The following CAGE1 variants were observed in gnomAD, a reference collection of about 807,000 sequenced individuals.
CAGE1 encodes cancer antigen 1, also known as cancer-associated gene 1 protein.
Under a neutral mutation model 94.9 loss-of-function variants are expected in CAGE1, and 66 were observed. The ratio of observed to expected loss-of-function variants is 0.70; its 90% confidence interval spans 0.57 to 0.85. CAGE1 has a LOEUF of 0.85. Among genes scored for constraint, CAGE1 ranks in the 40% least tolerant of loss-of-function variants. The pLI is 0.00. For missense variants in CAGE1, 865 were observed against 950.4 expected (o/e 0.91, Z 1.18); for synonymous variants, 319 against 321.0 (o/e 0.99, Z 0.07).
At chr6:7,336,658 C>G (rs565441078) in intron 11 of CAGE1, among the ~76,000 whole-genome samples, 4 of 152,024 alleles carry the variant, frequency 2.6e-5, no homozygotes, top group Non-Finnish European at 5.9e-5. Context: ...TACAGGTGTG[C>G]GCCACCATGC....
intron 5 of CAGE1, among the ~76,000 whole-genome samples, chr6:7,370,706 GAAGAT>G (rs1463563298): frequency 6.6e-6 from 1 of 152,156 alleles, no homozygotes. Context: ...TGGCTTAATT[GAAGAT>G]AGCTGGATTC....
chr6:7,329,410 C>G (rs904735801), intron 13 of CAGE1: 2 of 345,412 alleles, frequency 5.8e-6, no homozygotes, highest in African/African-American at 4.2e-5. Flanking sequence ...ACTTTATACG[C>G]CTCGCCAAGG....
intron 11 of CAGE1, among the ~76,000 whole-genome samples, chr6:7,345,142 G>A (rs1036347026): frequency 4.7e-5 from 2 of 42,108 alleles, no homozygotes; most frequent in Non-Finnish European, 8.7e-5. Context: ...TTGCTTTTAG[G>A]AGCTAGGTCC....
intron 11 of CAGE1, among the ~76,000 whole-genome samples, chr6:7,352,308 A>AC (rs1235496601): frequency 1.5e-5 from 2 of 131,900 alleles, no homozygotes; most frequent in Admixed American, 8.1e-5. Flanking sequence ...AAAAAAAACA[A>AC]AAAAAAACAA....
intron 2 of CAGE1, 131 bp from the exon 3 acceptor site, chr6:7,386,003 C>CTT (rs2113479474): frequency 2.1e-6 from 1 of 486,388 alleles, no homozygotes; most frequent in African/African-American, 2.0e-5. Context: ...TTTCTAGTAT[C>CTT]TTTCCCCAGC....
chr6:7,370,658 T>C (rs1214525408), intron 5 of CAGE1, among the ~76,000 whole-genome samples: 1 of 152,212 alleles, frequency 6.6e-6, no homozygotes, highest in African/African-American at 2.4e-5. Flanking sequence ...GTGAAAAGAA[T>C]GGCACTGCTT....
intron 6 of CAGE1, 35 bp from the exon 7 acceptor site, chr6:7,368,833 G>C (rs1760442624): frequency 7.4e-7 from 1 of 1,353,746 alleles, no homozygotes; most frequent in African/African-American, 1.5e-5. Context: ...AGATGAAAAA[G>C]TTTTTACTAA....
In CAGE1 at chr6:7,374,353, G is replaced by A. The variant is rs548815596; in HGVS notation, c.688-222C>T. 1.1e-4 allele frequency among the ~76,000 whole-genome samples: 17 copies of A among 152,234 alleles called. No homozygotes were observed. In the South Asian group the frequency reaches 2.7e-3, roughly 24 times the overall value. On this transcript the variant is annotated intron_variant, in intron 4 of 13. Transcript: ENST00000502583. ...TGTACAGCACCTAACAGCACAGCAG[G>A]GCACAGGCAGTAGGTATATGACAGA...
chr6:7,355,421 C>T (rs1166548122), intron 10 of CAGE1, among the ~76,000 whole-genome samples: 1 of 152,110 alleles, frequency 6.6e-6, no homozygotes, highest in Non-Finnish European at 1.5e-5. Context: ...AAAGTTAAGG[C>T]AGTTTTAATA....
At position 7,373,116 on chromosome 6, in the gene CAGE1, A is replaced by T. The variant is rs779747390; in HGVS notation, c.1703T>A (p.Leu568Ter). Residue 568 changes from leucine to a stop codon, truncating the protein, a stop_gained, in exon 5 of 14, where the codon TTA becomes TAA. Coordinates refer to ENST00000502583, the MANE Select transcript of CAGE1 (RefSeq NM_001170692.2). LOFTEE classifies it high-confidence loss of function. ...NYVPKFETAQLKDQLEEVLKS... is the reference protein window; with the variant it reads ...NYVPKFETAQ ...CAAGACTTCCTCTAATTGATCCTTT[A>T]ACTGAGCTGTCTCAAATTTAGGGAC... 2.0e-5 allele frequency: 33 copies of T among 1,612,334 alleles called. No individual in the cohort carries two copies. Among genetic ancestry groups the T allele is most frequent in the Non-Finnish European group, 2.8e-5 (33 of 1,179,328 alleles).
intron 11 of CAGE1, chr6:7,338,770 A>G: frequency 4.2e-6 from 3 of 721,378 alleles, no homozygotes; most frequent in East Asian, 5.5e-5. Flanking sequence ...CTGTCTTTGT[A>G]CAATATTTTA....
chr6:7,351,531 A>AAAATG lies in CAGE1; in HGVS notation c.2369+3509_2369+3510insCATTT, dbSNP rs1759765046. Among the ~76,000 whole-genome samples, 3 of 50,578 alleles carry AAAATG rather than the reference A, an allele frequency of 5.9e-5. No individual in the cohort carries two copies. In the South Asian group the frequency reaches 1.7e-3, roughly 28 times the overall value. 33.2% of individuals were successfully genotyped at this position (50,578 alleles called of 152,430 possible). On this transcript the variant is annotated intron_variant, in intron 11 of 13. Transcript: ENST00000502583. The stretch of plus-strand genomic sequence containing the variant: ...CTACCCTAAAACTTAAAGTATAATA[A>AAAATG]AAATAAAATAAAATAAAATAAGATC...
At chr6:7,340,572 A>T (rs1427964293) in intron 11 of CAGE1, among the ~76,000 whole-genome samples, 1 of 152,202 alleles carries the variant, frequency 6.6e-6, no homozygotes, top group Non-Finnish European at 1.5e-5. Context: ...AACATTTTGC[A>T]TATATAATAT....
At chr6:7,341,236 A>C in intron 11 of CAGE1, 1 of 671,402 alleles carries the variant, frequency 1.5e-6, no homozygotes, top group South Asian at 1.4e-5. Context: ...GATACTGTGG[A>C]GGTAGCCAAA....
intron 11 of CAGE1, among the ~76,000 whole-genome samples, chr6:7,344,358 C>T (rs2714320): frequency 0.016 from 2,490 of 152,364 alleles, 89 homozygotes; most frequent in African/African-American, 0.056. Flanking sequence ...GTTTAGCACC[C>T]GGGCCAGCGG....
intron 11 of CAGE1, among the ~76,000 whole-genome samples, chr6:7,342,816 T>C (rs1759235534): frequency 6.6e-6 from 1 of 152,190 alleles, no homozygotes; most frequent in Non-Finnish European, 1.5e-5. Context: ...CTTGAGTTGA[T>C]TTTTGTATAT....
intron 4 of CAGE1, among the ~76,000 whole-genome samples, chr6:7,376,170 G>A (rs1437251938): frequency 2.6e-5 from 4 of 151,886 alleles, no homozygotes; most frequent in South Asian, 2.1e-4. Context: ...CAGGTGGATC[G>A]CAACGTCAGG....
At chr6:7,388,666 A>G (rs1761222628) in intron 1 of CAGE1, among the ~76,000 whole-genome samples, 1 of 152,200 alleles carries the variant, frequency 6.6e-6, no homozygotes, top group African/African-American at 2.4e-5. Context: ...GGATTCTTTT[A>G]TTGAATTTCT....
At chr6:7,381,673 C>T (rs1398010927) in intron 3 of CAGE1, among the ~76,000 whole-genome samples, 1 of 151,086 alleles carries the variant, frequency 6.6e-6, no homozygotes, top group African/African-American at 2.4e-5. Context: ...GGAATACAAG[C>T]GTGCACCACC....
Sources: gnomAD v4.1 joint callset for allele counts (sites outside exome capture counted in the v4.1 genomes callset) on GRCh38, gnomAD v4.1.1 for gene constraint, MANE v1.5 for transcripts, NCBI Gene and HGNC (gene_info 2026-07-23, HGNC 2026-07-21) for gene names.